CACNA1C: variants seen among roughly 807,000 people sequenced by gnomAD.
CACNA1C encodes calcium voltage-gated channel subunit alpha1 C, also known as voltage-dependent L-type calcium channel subunit alpha-1C.
Under a neutral mutation model 229.0 loss-of-function variants are expected in CACNA1C, and 30 were observed. The observed-to-expected ratio is 0.13, with a 90% CI of 0.10 to 0.18. The LOEUF (loss-of-function observed/expected upper bound fraction) is 0.18, where lower values mean the gene tolerates loss of function less well. Among genes scored for constraint, CACNA1C ranks in the 10% least tolerant of loss-of-function variants. The pLI, the probability that CACNA1C is intolerant of heterozygous loss-of-function variation, is 1.00. For synonymous variants in CACNA1C, 1,114 were observed against 1,132.5 expected, an observed-to-expected ratio of 0.98 and a Z score of 0.33; for missense variants, 1,658 against 2,845.0, an observed-to-expected ratio of 0.58 and a Z score of 9.49.
chr12:1,976,099 T>C (rs915344557), intron 1 of CACNA1C, among the ~76,000 whole-genome samples: 4 of 144,092 alleles, frequency 2.8e-5, no homozygotes, highest in African/African-American at 7.3e-5. Flanking sequence ...TTTAGATGGA[T>C]AGTTTTCTTT....
intron 1 of CACNA1C, among the ~76,000 whole-genome samples, chr12:2,091,104 G>A (rs1029698092): frequency 2.6e-5 from 4 of 152,076 alleles, no homozygotes; most frequent in South Asian, 2.1e-4. Context: ...CTCAGATATC[G>A]GGACTGGCTT....
At chr12:2,092,391 G>T (rs1471708695) in intron 1 of CACNA1C, among the ~76,000 whole-genome samples, 1 of 152,232 alleles carries the variant, frequency 6.6e-6, no homozygotes, top group Non-Finnish European at 1.5e-5. Flanking sequence ...CCAGCCAGAT[G>T]GAAGATGTGT....
At chr12:2,151,149 A>G (rs1461364033) in intron 3 of CACNA1C, among the ~76,000 whole-genome samples, 3 of 152,094 alleles carry the variant, frequency 2.0e-5, no homozygotes, top group Non-Finnish European at 2.9e-5. Flanking sequence ...ACTCAACTCA[A>G]CTCCGTAGAA....
chr12:2,231,774 C>T (rs997392525), intron 3 of CACNA1C, among the ~76,000 whole-genome samples: 9 of 152,144 alleles, frequency 5.9e-5, no homozygotes, highest in Non-Finnish European at 1.0e-4. Context: ...TTGCACAGTG[C>T]TAGACTGTGC....
intron 29 of CACNA1C, among the ~76,000 whole-genome samples, chr12:2,617,131 C>T (rs951265367): frequency 1.2e-4 from 18 of 152,214 alleles, no homozygotes; most frequent in Non-Finnish European, 2.9e-5. Flanking sequence ...GAAAGAGGAG[C>T]GGTTTCTCCG....
intron 18 of CACNA1C, among the ~76,000 whole-genome samples, chr12:2,590,685 G>C (rs554177025): frequency 5.9e-5 from 9 of 152,186 alleles, no homozygotes; most frequent in Non-Finnish European, 8.8e-5. Flanking sequence ...TCATAAACGG[G>C]GGGGAGCTCG....
At chr12:2,458,273 GA>G (rs2099457573) in intron 5 of CACNA1C, among the ~76,000 whole-genome samples, 1 of 152,200 alleles carries the variant, frequency 6.6e-6, no homozygotes, top group Admixed American at 6.5e-5. Context: ...AAGAGAGGAG[GA>G]TATTCCGCTC....
chr12:2,118,312 A>G (rs1189544415), intron 2 of CACNA1C, among the ~76,000 whole-genome samples: 1 of 152,036 alleles, frequency 6.6e-6, no homozygotes, highest in East Asian at 1.9e-4. Context: ...GGGAGAGCAC[A>G]GGCACCAGCT....
At chr12:2,045,353 C>T (rs142592079) in intron 1 of CACNA1C, among the ~76,000 whole-genome samples, 1 of 152,220 alleles carries the variant, frequency 6.6e-6, no homozygotes, top group Admixed American at 6.5e-5. Flanking sequence ...TTTGAACTGG[C>T]CTGGAACAGT....
At chr12:2,450,040 A>C (rs981673403) in intron 4 of CACNA1C, among the ~76,000 whole-genome samples, 2 of 152,216 alleles carry the variant, frequency 1.3e-5, no homozygotes, top group African/African-American at 2.4e-5. Flanking sequence ...ATGACAGGTA[A>C]CCAAACCCCA....
Position 2,109,117 on chromosome 12 carries a change from TGGA to T in CACNA1C, c.50-6102_50-6100del, listed in dbSNP as rs140687821. Among the ~76,000 whole-genome samples, 232 of 152,246 alleles carry T rather than the reference TGGA, an allele frequency of 1.5e-3. 6 individuals are homozygous for T. Among genetic ancestry groups the T allele is most frequent in the African/African-American group, 5.1e-3 (210 of 41,538 alleles). Reference sequence around the variant, plus strand: ...ATGTGGGTGTCTGTGTCTACGAAGGTGGAGGAGTGACCTGCTTTTGTGCTCACA... The same window carrying T: ...ATGTGGGTGTCTGTGTCTACGAAGGTGGAGTGACCTGCTTTTGTGCTCACA... On this transcript the variant is annotated intron_variant, in intron 1 of 46. Transcript: ENST00000399655.
In CACNA1C at chr12:2,111,445, G is replaced by A. The variant is rs77909740; in HGVS notation, c.50-3779G>A. ...CTGGGGCTTCCTGCCCTCTTTCCAAGTGTTGTCCCCAAACTCCTGGGACTC... is the reference window on the plus strand; with the variant it reads ...CTGGGGCTTCCTGCCCTCTTTCCAAATGTTGTCCCCAAACTCCTGGGACTC... On this transcript the variant is annotated intron_variant, in intron 1 of 46. Transcript: ENST00000399655. Among the ~76,000 whole-genome samples, 1,289 of 152,114 alleles carry A rather than the reference G, an allele frequency of 8.5e-3. 19 individuals carry two copies. The highest frequency in any genetic ancestry group is 0.029 in the African/African-American group (1,219 of 41,488).
rs1267632223 is a variant in CACNA1C at position 2,651,737 on chromosome 12, C to T, written c.4043C>T (p.Thr1348Met). The change falls in exon 32 of 47, where the codon ACG becomes ATG. Residue 1348 changes from threonine to methionine, a missense_variant. Thr to Met is a moderately conservative substitution (Grantham distance 81). Transcript: ENST00000399655. The surrounding 1 kb of genome is among the most constrained non-coding windows in gnomAD (Gnocchi z 5.4). Reference sequence around the variant, plus strand: ...CTGAGCCGTGGGGAGGGCATCCGGACGCTGCTGTGGACCTTCATCAAGTCC... The same window carrying T: ...CTGAGCCGTGGGGAGGGCATCCGGATGCTGCTGTGGACCTTCATCAAGTCC... ...KLLSRGEGIR[T>M]LLWTFIKSFQ... 3.7e-6 allele frequency: 6 copies of T among 1,613,048 alleles called. No homozygotes were observed. The highest frequency in any genetic ancestry group is 1.7e-5 in the Admixed American group (1 of 59,974).
At chr12:2,411,647 A>T (rs763352775) in intron 3 of CACNA1C, among the ~76,000 whole-genome samples, 7 of 152,094 alleles carry the variant, frequency 4.6e-5, no homozygotes, top group Non-Finnish European at 7.4e-5. Flanking sequence ...CCACCCTTTC[A>T]CCTTTTACAC....
At chr12:2,271,143 A>G (rs1003853913) in intron 3 of CACNA1C, among the ~76,000 whole-genome samples, 1 of 152,110 alleles carries the variant, frequency 6.6e-6, no homozygotes, top group African/African-American at 2.4e-5. Flanking sequence ...GCCACTACTC[A>G]GGCCGGGTTG....
At chr12:2,023,088 G>GC (rs960329062) in intron 1 of CACNA1C, among the ~76,000 whole-genome samples, 3 of 152,160 alleles carry the variant, frequency 2.0e-5, no homozygotes, top group Non-Finnish European at 4.4e-5. Context: ...TCTGCACTGA[G>GC]CCCCCCAAAT....
At chr12:2,004,458 G>A (rs202124550) in intron 1 of CACNA1C, 150 of 1,589,294 alleles carry the variant, frequency 9.4e-5, no homozygotes, top group Admixed American at 2.4e-4. Context: ...ACATAGGCAC[G>A]GGGCTCTTGG....
At chr12:2,289,907 T>C (rs2093281440) in intron 3 of CACNA1C, among the ~76,000 whole-genome samples, 1 of 152,216 alleles carries the variant, frequency 6.6e-6, no homozygotes, top group Non-Finnish European at 1.5e-5. Context: ...ATATTTGCAC[T>C]TGGAGGATCA....
intron 3 of CACNA1C, among the ~76,000 whole-genome samples, chr12:2,190,505 A>G (rs2097177807): frequency 6.6e-6 from 1 of 152,180 alleles, no homozygotes; most frequent in Non-Finnish European, 1.5e-5. Context: ...CCTGCCAGCC[A>G]TTCACTTATT....
Sources: gnomAD v4.1 joint callset for allele counts (sites outside exome capture counted in the v4.1 genomes callset) on GRCh38, gnomAD v4.1.1 for gene constraint, Gnocchi (gnomAD v3.1) non-coding constraint, MANE v1.5 for transcripts, NCBI Gene and HGNC (gene_info 2026-07-23, HGNC 2026-07-21) for gene names.